RBPMS: variants seen among roughly 807,000 people sequenced by gnomAD.
RBPMS encodes RNA binding protein, mRNA processing factor, also known as RNA-binding protein with multiple splicing.
RBPMS carries 7 observed loss-of-function variants against 26.8 expected under a neutral mutation model. That is an observed-to-expected ratio of 0.26 (90% CI 0.15 to 0.49). The LOEUF (loss-of-function observed/expected upper bound fraction) is 0.49, where lower values mean the gene tolerates loss of function less well. RBPMS is among the 20% of genes least tolerant of loss of function. The pLI, the probability that RBPMS is intolerant of heterozygous loss-of-function variation, is 0.98. For missense variants in RBPMS, 186 were observed against 250.0 expected (o/e 0.74, Z 1.73); for synonymous variants, 96 against 93.3 (o/e 1.03, Z -0.17).
intron 1 of RBPMS, among the ~76,000 whole-genome samples, chr8:30,456,100 G>C (rs1322325014): frequency 2.6e-5 from 4 of 152,086 alleles, no homozygotes; most frequent in Admixed American, 6.5e-5. Context: ...TAATTTTGTT[G>C]TGTGTGTGTT....
intron 6 of RBPMS, chr8:30,547,297 C>A: frequency 6.3e-7 from 1 of 1,593,632 alleles, no homozygotes; most frequent in Non-Finnish European, 8.5e-7. Flanking sequence ...TCTAGTGTTT[C>A]TCTCCTGAGG....
intron 4 of RBPMS, among the ~76,000 whole-genome samples, chr8:30,484,034 G>A (rs979323223): frequency 5.9e-5 from 9 of 152,080 alleles, no homozygotes; most frequent in South Asian, 2.1e-4. Context: ...TGGCTATTGC[G>A]AATAAGGCTG....
chr8:30,488,605 A>G (rs1819046141), intron 4 of RBPMS, among the ~76,000 whole-genome samples: 1 of 152,214 alleles, frequency 6.6e-6, no homozygotes, highest in South Asian at 2.1e-4. Flanking sequence ...TAACTCTAGC[A>G]GGAAAATGTT....
chr8:30,520,404 G>A (rs1052117482), intron 5 of RBPMS, among the ~76,000 whole-genome samples: 9 of 151,992 alleles, frequency 5.9e-5, no homozygotes, highest in African/African-American at 2.2e-4. Context: ...GTGAACTCGT[G>A]TTTTTTAGTA....
intron 4 of RBPMS, among the ~76,000 whole-genome samples, chr8:30,499,950 G>T (rs1341190456): frequency 6.6e-6 from 1 of 151,812 alleles, no homozygotes; most frequent in Admixed American, 6.6e-5. Flanking sequence ...TCTGTGCAAA[G>T]GGTATATAGG....
intron 1 of RBPMS, among the ~76,000 whole-genome samples, chr8:30,451,402 T>G (rs540271344): frequency 6.6e-6 from 1 of 152,360 alleles, no homozygotes; most frequent in Non-Finnish European, 1.5e-5. Context: ...CAGGCAAGAC[T>G]GAGATGTCTT....
At chr8:30,490,484 G>T (rs866982618) in intron 4 of RBPMS, among the ~76,000 whole-genome samples, 1 of 151,866 alleles carries the variant, frequency 6.6e-6, no homozygotes, top group African/African-American at 2.4e-5. Context: ...TTTTGAGACG[G>T]AGTCTCGCTC....
rs530808150 is a variant in RBPMS, at chr8:30,441,585, A to T, written c.67-33194A>T. On this transcript the variant is annotated intron_variant, in intron 1 of 8. Transcript: ENST00000397323. ...CAGTCAAGAAGATGGATAAGGTGGT[A>T]GATCTCTTCCGCTCTCTCCCGTGAT... Among the ~76,000 whole-genome samples the T allele has an allele frequency of 1.1e-4, 16 of 152,066 alleles. No homozygotes were observed. The South Asian group carries it at 3.3e-3, about 32-fold the overall frequency.
intron 1 of RBPMS, among the ~76,000 whole-genome samples, chr8:30,417,603 C>T (rs1192599723): frequency 1.3e-5 from 2 of 152,180 alleles, no homozygotes; most frequent in Non-Finnish European, 2.9e-5. Flanking sequence ...TTCCCAACCC[C>T]ATCCCCATTT....
chr8:30,462,511 C>T (rs1484365997), intron 1 of RBPMS, among the ~76,000 whole-genome samples: 2 of 152,028 alleles, frequency 1.3e-5, no homozygotes, highest in African/African-American at 4.8e-5. Flanking sequence ...CCAACCTCCT[C>T]CTCCTGGGTT....
intron 4 of RBPMS, among the ~76,000 whole-genome samples, chr8:30,489,956 A>G (rs4733187): frequency 1 from 151,664 of 152,100 alleles, 75,614 homozygotes; most frequent in Middle Eastern, 1. Flanking sequence ...GACTACAGGC[A>G]CCCGCCACCA....
chr8:30,492,933 G>C (rs1271090756), intron 4 of RBPMS, among the ~76,000 whole-genome samples: 1 of 152,082 alleles, frequency 6.6e-6, no homozygotes, highest in Non-Finnish European at 1.5e-5. Flanking sequence ...ACATAATCGG[G>C]AAATCATTTA....
At chr8:30,410,138 TAAAA>T (rs1809155886) in intron 1 of RBPMS, among the ~76,000 whole-genome samples, 1 of 104,216 alleles carries the variant, frequency 9.6e-6, no homozygotes, top group Non-Finnish European at 2.1e-5. Context: ...CTGGGTGACT[TAAAA>T]TACACACACA....
intron 1 of RBPMS, 190 bp downstream of exon 1, chr8:30,385,348 G>A (rs1230030230): frequency 7.1e-6 from 3 of 424,094 alleles, no homozygotes; most frequent in Admixed American, 9.1e-5. Context: ...GCGCGTCTGC[G>A]GGCCCCAAAT....
chr8:30,527,939 GC>G (rs1823766641), intron 5 of RBPMS, among the ~76,000 whole-genome samples: 1 of 152,234 alleles, frequency 6.6e-6, no homozygotes, highest in South Asian at 2.1e-4. Context: ...ACTTCGGGAA[GC>G]CAAGGCGGGT....
At chr8:30,557,605 T>A (rs987949874) in intron 6 of RBPMS, among the ~76,000 whole-genome samples, 1 of 152,190 alleles carries the variant, frequency 6.6e-6, no homozygotes, top group African/African-American at 2.4e-5. Context: ...GGCTCTTGCT[T>A]CATCACTAAG....
At chr8:30,516,840 ATCTTGTCTGTGAATGGTCACTGCAC>A (rs1563399781) in intron 5 of RBPMS, among the ~76,000 whole-genome samples, 2 of 151,606 alleles carry the variant, frequency 1.3e-5, no homozygotes, top group African/African-American at 2.4e-5. Context: ...GCTATAGTGT[ATCTTGTCTGTGAATGGTCACTGCAC>A]TCCAGCCTGG....
At chr8:30,453,653 T>C (rs1814866814) in intron 1 of RBPMS, 1 of 152,200 alleles carries the variant, frequency 6.6e-6, no homozygotes, top group African/African-American at 2.4e-5. Context: ...CTGTTTCTTA[T>C]ACAAAAGGGT....
intron 1 of RBPMS, among the ~76,000 whole-genome samples, chr8:30,466,747 A>G (rs533064382): frequency 1.3e-5 from 2 of 151,882 alleles, no homozygotes; most frequent in African/African-American, 4.8e-5. Flanking sequence ...GGTGCCGACC[A>G]CCACGCTGGC....
Sources: allele counts gnomAD v4.1 joint callset (sites outside exome capture counted in the v4.1 genomes callset), GRCh38; gene constraint gnomAD v4.1.1; transcripts MANE v1.5; gene names NCBI Gene and HGNC (gene_info 2026-07-23, HGNC 2026-07-21).